The following AMZ2 variants were observed in gnomAD, a reference collection of about 807,000 sequenced individuals.
AMZ2 encodes archaelysin family metallopeptidase 2, also known as archaemetzincin-2.
A neutral mutation model predicts 36.7 loss-of-function variants in AMZ2; 26 were observed. That is an observed-to-expected ratio of 0.71 (90% confidence interval 0.52 to 0.98). The LOEUF (loss-of-function observed/expected upper bound fraction) is 0.98. Ranked by LOEUF, AMZ2 falls within the 50% of genes least tolerant of loss-of-function variation. The pLI is 0.00. For missense variants in AMZ2, 394 were observed against 430.5 expected (o/e 0.92, Z 0.75); for synonymous variants, 144 against 149.1 (o/e 0.97, Z 0.25).
chr17:68,208,673 G>A (rs1310039742), intron 1 of AMZ2, among the ~76,000 whole-genome samples: 7 of 152,184 alleles, frequency 4.6e-5, no homozygotes, highest in African/African-American at 7.2e-5. Flanking sequence ...GGTGAATTTT[G>A]CTGCTGCTCA....
At position 68,255,837 on chromosome 17, in the gene AMZ2, G is replaced by T. The variant is rs782491726; in HGVS notation, c.888G>T (p.Leu296Phe). The change falls in exon 6 of 7, where the codon TTG becomes TTT. Residue 296 changes from leucine to phenylalanine, a missense_variant. Leu to Phe is a conservative substitution (Grantham distance 22, BLOSUM62 0). Transcript: ENST00000359904. Reference sequence around the variant, plus strand: ...TTTGCCCTATCTGTTTGCACAAGTTGCAGTGTGCTGTTGGCTTCAGCATTG... The same window carrying T: ...TTTGCCCTATCTGTTTGCACAAGTTTCAGTGTGCTGTTGGCTTCAGCATTG... ...LNLCPICLHK[L>F]QCAVGFSIVE... 3.1e-6 allele frequency: 5 copies of T among 1,614,178 alleles called. No homozygotes were observed. Among genetic ancestry groups the T allele is most frequent in the Non-Finnish European group, 4.2e-6 (5 of 1,180,034 alleles).
chr17:68,254,621 C>A (rs1443439068), intron 5 of AMZ2, 54 bp downstream of exon 5: 4 of 1,442,252 alleles, frequency 2.8e-6, no homozygotes, highest in Non-Finnish European at 3.8e-6. Context: ...ATCTTAGTTC[C>A]GTAAACTGTA....
At chr17:68,227,858 T>G (rs564363417) in intron 1 of AMZ2, among the ~76,000 whole-genome samples, 1 of 152,132 alleles carries the variant, frequency 6.6e-6, no homozygotes, top group East Asian at 1.9e-4. Context: ...AGAAAAGAAC[T>G]GTATTTAGGG....
rs71142140 is a variant in AMZ2, at chr17:68,209,610, GTA to G, written c.-67+3394_-67+3395del. Among the ~76,000 whole-genome samples, 960 of 108,730 alleles carry G rather than the reference GTA, an allele frequency of 8.8e-3. 11 individuals are homozygous for G. Among genetic ancestry groups the G allele is most frequent in the Middle Eastern group, 0.025 (5 of 202 alleles). 71.3% of individuals were successfully genotyped at this position (108,730 alleles called of 152,430 possible). ...TGTGTGTGTGTGTGTGTGTGTATAT[GTA>G]TATATATATATATATATATATTTTT... On this transcript the variant is annotated intron_variant, in intron 1 of 7. Transcript: ENST00000674770.
At chr17:68,242,198 G>A (rs2073915959) in intron 1 of AMZ2, among the ~76,000 whole-genome samples, 1 of 152,132 alleles carries the variant, frequency 6.6e-6, no homozygotes. Flanking sequence ...AGGGTAGGCG[G>A]AAAGACAGAG....
At chr17:68,233,154 G>A (rs1455361765) in intron 1 of AMZ2, among the ~76,000 whole-genome samples, 1 of 152,216 alleles carries the variant, frequency 6.6e-6, no homozygotes, top group Non-Finnish European at 1.5e-5. Flanking sequence ...CAAACTTTGA[G>A]GGGTAGGGAC....
intron 6 of AMZ2, 120 bp downstream of exon 6, chr17:68,255,996 A>G (rs879992977): frequency 9.0e-7 from 1 of 1,111,234 alleles, no homozygotes; most frequent in South Asian, 1.9e-5. Flanking sequence ...TGTAAAGATA[A>G]GCAGGAAGCT....
At chr17:68,215,766 G>T (rs541116416) in intron 1 of AMZ2, among the ~76,000 whole-genome samples, 36 of 148,154 alleles carry the variant, frequency 2.4e-4, no homozygotes, top group African/African-American at 8.9e-4. Context: ...TTTAGTCCAT[G>T]CTCCAATTCT....
At chr17:68,209,620 A>ATATATATATATATG (rs1221082507) in intron 1 of AMZ2, among the ~76,000 whole-genome samples, 1 of 80,484 alleles carries the variant, frequency 1.2e-5, no homozygotes, top group Non-Finnish European at 2.3e-5. Context: ...GTATATATAT[A>ATATATATATATATG]TATATATATA....
chr17:68,216,687 CGAG>C (rs2073202277), intron 1 of AMZ2, among the ~76,000 whole-genome samples: 1 of 152,080 alleles, frequency 6.6e-6, no homozygotes, highest in East Asian at 1.9e-4. Flanking sequence ...GCTTATAACT[CGAG>C]GAGAAAGATA....
intron 1 of AMZ2, chr17:68,206,337 C>G: frequency 8.7e-7 from 1 of 1,155,746 alleles, no homozygotes. Context: ...GATCTCCCCC[C>G]AACCCCGCCT....
chr17:68,248,373 T>C lies in AMZ2; in HGVS notation c.-333T>C, dbSNP rs2074171247. 7.1e-6 allele frequency: 7 copies of C among 985,918 alleles called. No individual in the cohort carries two copies. The South Asian group carries it at 2.8e-4, about 40-fold the overall frequency. The allele number at this position is 985,918 out of a possible 1,614,324, so 61.1% of individuals were successfully genotyped here. A position where few individuals can be genotyped will look rare whatever the true frequency, so the allele number is the denominator to read the frequency against. On this transcript the variant is annotated 5_prime_UTR_variant, in exon 1 of 7. Coordinates refer to ENST00000359904, the MANE Select transcript of AMZ2 (RefSeq NM_016627.5). ...ACTCCCAGCTGGAGACTGGGTTGTG[T>C]CTGCATGGACCAGAGCCCACAGTGC...
Position 68,250,789 on chromosome 17 carries a change from T to C in AMZ2, c.284-5T>C, listed in dbSNP as rs782598215. ...TCTGTTTTTAAATGTTCTTCCATAT[T>C]GTAGGCTCTCTAGGAAACACCAGAA... On this transcript the variant is annotated splice_polypyrimidine_tract_variant and splice_region_variant and intron_variant, in intron 2 of 6. Transcript: ENST00000359904. The C allele has an allele frequency of 1.9e-5, 29 of 1,564,902 alleles. No homozygotes were observed. The East Asian group carries it at 6.3e-4, about 34-fold the overall frequency.
chr17:68,246,766 G>T (rs1382148864), upstream of AMZ2: 1 of 152,244 alleles, frequency 6.6e-6, no homozygotes, highest in Admixed American at 6.5e-5. Context: ...GAAGTTGAAA[G>T]GTTCAGAGTT....
At chr17:68,254,014 G>C (rs1485635706) in intron 4 of AMZ2, among the ~76,000 whole-genome samples, 1 of 152,064 alleles carries the variant, frequency 6.6e-6, no homozygotes, top group Non-Finnish European at 1.5e-5. Flanking sequence ...CAAAGTCCTA[G>C]GATTACAATC....
chr17:68,230,063 TTTTTG>T (rs1197842995), intron 1 of AMZ2, among the ~76,000 whole-genome samples: 4 of 152,062 alleles, frequency 2.6e-5, no homozygotes, highest in African/African-American at 4.8e-5. Context: ...TGTCCTGTTT[TTTTTG>T]TTTTGTTTTG....
At chr17:68,209,581 G>GGTGGGT (rs1264790118) in intron 1 of AMZ2, among the ~76,000 whole-genome samples, 13 of 106,948 alleles carry the variant, frequency 1.2e-4, no homozygotes, top group Admixed American at 1.9e-4. Flanking sequence ...AATAATTGTG[G>GGTGGGT]GTGTGTGTGT....
intron 1 of AMZ2, among the ~76,000 whole-genome samples, chr17:68,211,197 G>A (rs1230305570): frequency 6.6e-6 from 1 of 151,952 alleles, no homozygotes; most frequent in Non-Finnish European, 1.5e-5. Flanking sequence ...CTTCTTTCTG[G>A]GGTGATGAAA....
chr17:68,208,731 G>C (rs782791913), intron 1 of AMZ2, among the ~76,000 whole-genome samples: 1 of 152,106 alleles, frequency 6.6e-6, no homozygotes, highest in African/African-American at 2.4e-5. Context: ...TCACCGCGAC[G>C]GTCTGCAGCT....
Sources: allele counts gnomAD v4.1 joint callset (sites outside exome capture counted in the v4.1 genomes callset), GRCh38; gene constraint gnomAD v4.1.1; transcripts MANE v1.5; gene names NCBI Gene and HGNC (gene_info 2026-07-23, HGNC 2026-07-21).